The following IGF1R variants were observed in gnomAD, a reference collection of about 807,000 sequenced individuals.
IGF1R encodes the protein insulin-like growth factor 1 receptor.
A neutral mutation model predicts 144.6 loss-of-function variants in IGF1R; 44 were observed. That is an observed-to-expected ratio of 0.30 (90% CI 0.24 to 0.39). The LOEUF is 0.39. IGF1R is among the 10% of genes least tolerant of loss of function. The probability of loss-of-function intolerance (pLI) is 1.00; values close to 1 mark genes in which losing one functional copy is unlikely to be tolerated. For missense variants in IGF1R, 1,355 were observed against 1,833.7 expected (o/e 0.74, Z 4.77); for synonymous variants, 795 against 722.8 (o/e 1.10, Z -1.60).
At chr15:98,778,851 G>A (rs1168609464) in intron 2 of IGF1R, among the ~76,000 whole-genome samples, 1 of 152,154 alleles carries the variant, frequency 6.6e-6, no homozygotes, top group East Asian at 1.9e-4. Context: ...ACTGATGATA[G>A]CCTCTTTGGA....
At chr15:98,830,967 A>T (rs1011330033) in intron 2 of IGF1R, among the ~76,000 whole-genome samples, 2 of 151,968 alleles carry the variant, frequency 1.3e-5, no homozygotes, top group Non-Finnish European at 2.9e-5. Flanking sequence ...GTGAAGGGGG[A>T]GCAGTTGTAT....
intron 2 of IGF1R, among the ~76,000 whole-genome samples, chr15:98,867,154 G>GGAGAGAGA (rs60863950): frequency 3.2e-4 from 47 of 146,236 alleles, no homozygotes; most frequent in African/African-American, 5.1e-4. Flanking sequence ...AGAGAAAGGG[G>GGAGAGAGA]GAGAGAGAGA....
At chr15:98,674,484 G>A (rs527510402) in intron 1 of IGF1R, among the ~76,000 whole-genome samples, 1 of 152,066 alleles carries the variant, frequency 6.6e-6, no homozygotes, top group Non-Finnish European at 1.5e-5. Context: ...TACAGAGCGC[G>A]TTCAGAGGGC....
intron 1 of IGF1R, among the ~76,000 whole-genome samples, chr15:98,678,666 G>A (rs58975991): frequency 2.0e-5 from 3 of 150,168 alleles, no homozygotes; most frequent in South Asian, 4.2e-4. Context: ...GTGTTTTGCC[G>A]CCACACCCGG....
chr15:98,826,594 C>T (rs1177797262), intron 2 of IGF1R, among the ~76,000 whole-genome samples: 3 of 152,144 alleles, frequency 2.0e-5, no homozygotes, highest in Non-Finnish European at 2.9e-5. Flanking sequence ...AATTTGTTTC[C>T]TTTTTCTCAG....
intron 11 of IGF1R, 45 bp from the exon 12 acceptor site, chr15:98,923,831 C>T (rs369220138): frequency 6.3e-7 from 1 of 1,580,808 alleles, no homozygotes; most frequent in African/African-American, 1.3e-5. Flanking sequence ...GGCCTCCCTC[C>T]CTGGGAACCC....
intron 2 of IGF1R, among the ~76,000 whole-genome samples, chr15:98,815,814 T>A (rs1350211725): frequency 1.3e-5 from 2 of 152,220 alleles, no homozygotes; most frequent in African/African-American, 4.8e-5. Flanking sequence ...TGGGGCAGCC[T>A]GTTCTGTAGT....
Position 98,803,648 on chromosome 15 carries a change from C to T in IGF1R, c.641-87677C>T, listed in dbSNP as rs557879861. On this transcript the variant is annotated intron_variant, in intron 2 of 20. Transcript: ENST00000650285. Reference sequence around the variant, plus strand: ...AGCCTCCTGAGTAGCCGGGACTAGACGCACACACCACCATGGCTGACTAAT... The same window carrying T: ...AGCCTCCTGAGTAGCCGGGACTAGATGCACACACCACCATGGCTGACTAAT... Among the ~76,000 whole-genome samples, 13 of 152,068 alleles carry T rather than the reference C, an allele frequency of 8.5e-5. No individual in the cohort carries two copies. The East Asian group carries it at 1.7e-3, about 20-fold the overall frequency.
At chr15:98,904,288 G>A (rs565475507) in intron 5 of IGF1R, among the ~76,000 whole-genome samples, 4 of 152,178 alleles carry the variant, frequency 2.6e-5, no homozygotes, top group African/African-American at 7.2e-5. Flanking sequence ...ATCTGACCTC[G>A]TGATCTGCCT....
intron 2 of IGF1R, among the ~76,000 whole-genome samples, chr15:98,772,687 C>A (rs1157493613): frequency 1.3e-5 from 2 of 150,520 alleles, no homozygotes; most frequent in Non-Finnish European, 3.0e-5. Context: ...CTTTTTTTTA[C>A]TTTTGAAGAG....
At chr15:98,914,696 C>T (rs902578789) in intron 8 of IGF1R, among the ~76,000 whole-genome samples, 1 of 152,202 alleles carries the variant, frequency 6.6e-6, no homozygotes, top group Non-Finnish European at 1.5e-5. Context: ...TCTCAAGAAA[C>T]CTGTTTCCTT....
Position 98,704,773 on chromosome 15 carries a change from G to A in IGF1R, c.95-2789G>A, listed in dbSNP as rs375752403. On this transcript the variant is annotated intron_variant, in intron 1 of 20. Coordinates refer to ENST00000650285, the MANE Select transcript of IGF1R (RefSeq NM_000875.5). The surrounding 1 kb of genome is among the most constrained non-coding windows in gnomAD (Gnocchi z 4.9). ...TGTACCTTGGGAGGGAAGTGTGTAG[G>A]GTTGTTGAGGAACAGCGTGCTGCAC... Among the ~76,000 whole-genome samples, 9 of 152,224 alleles carry A rather than the reference G, an allele frequency of 5.9e-5. No individual in the cohort carries two copies. In the South Asian group the frequency reaches 1.4e-3, roughly 25 times the overall value.
At chr15:98,740,198 C>T (rs1198029992) in intron 2 of IGF1R, among the ~76,000 whole-genome samples, 2 of 152,208 alleles carry the variant, frequency 1.3e-5, no homozygotes, top group Non-Finnish European at 2.9e-5. Context: ...CCTTAGCATT[C>T]CTTCATTTGT....
chr15:98,834,695 C>T (rs926380089), intron 2 of IGF1R, among the ~76,000 whole-genome samples: 1 of 152,166 alleles, frequency 6.6e-6, no homozygotes, highest in Non-Finnish European at 1.5e-5. Context: ...ACGAGCCAAG[C>T]GAAGTGGTCC....
intron 1 of IGF1R, among the ~76,000 whole-genome samples, chr15:98,672,569 CAA>C (rs60559912): frequency 0.22 from 13,235 of 60,920 alleles, 954 homozygotes; most frequent in African/African-American, 0.39. Context: ...GACTCCATCT[CAA>C]AAAAAAAAAA....
At chr15:98,654,018 C>G (rs1291333426) in intron 1 of IGF1R, among the ~76,000 whole-genome samples, 1 of 152,250 alleles carries the variant, frequency 6.6e-6, no homozygotes, top group African/African-American at 2.4e-5. Flanking sequence ...CAGAGTCTTG[C>G]ATGAAACCAC....
chr15:98,694,013 C>T (rs981778746), intron 1 of IGF1R, among the ~76,000 whole-genome samples: 4 of 152,240 alleles, frequency 2.6e-5, no homozygotes, highest in African/African-American at 9.6e-5. Context: ...ACTTTGTCAG[C>T]ATGCTGCTTG....
intron 2 of IGF1R, among the ~76,000 whole-genome samples, chr15:98,780,549 CAAAAAAAAAAAAAAA>C (rs1192949160): frequency 4.2e-5 from 1 of 23,968 alleles, no homozygotes; most frequent in African/African-American, 6.9e-5. Flanking sequence ...AACTCTGTCT[CAAAAAAAAAAAAAAA>C]AAAAAAAAAA....
intron 2 of IGF1R, among the ~76,000 whole-genome samples, chr15:98,845,901 T>C (rs1421271039): frequency 6.6e-6 from 1 of 152,210 alleles, no homozygotes; most frequent in Non-Finnish European, 1.5e-5. Context: ...ATTGGCAGCT[T>C]TACAAAATAA....
Sources: gnomAD v4.1 joint callset for allele counts (sites outside exome capture counted in the v4.1 genomes callset) on GRCh38, gnomAD v4.1.1 for gene constraint, Gnocchi (gnomAD v3.1) non-coding constraint, MANE v1.5 for transcripts, NCBI Gene and HGNC (gene_info 2026-07-23, HGNC 2026-07-21) for gene names.